SYNE2: variants seen among roughly 807,000 people sequenced by gnomAD.
SYNE2 encodes spectrin repeat containing nuclear envelope protein 2.
A neutral mutation model predicts 856.3 loss-of-function variants in SYNE2; 431 were observed. The ratio of observed to expected loss-of-function variants is 0.50; its 90% confidence interval spans 0.47 to 0.55. SYNE2 has a LOEUF of 0.55. Among genes scored for constraint, SYNE2 ranks in the 20% least tolerant of loss-of-function variants. The pLI is 0.00. For synonymous variants in SYNE2, 2,923 were observed against 2,872.3 expected, an observed-to-expected ratio of 1.02 and a Z score of -0.56; for missense variants, 8,129 against 8,023.2, an observed-to-expected ratio of 1.01 and a Z score of -0.50.
Position 64,224,524 on chromosome 14 carries a change from T to A in SYNE2, c.20446T>A (p.Ser6816Thr). The change falls in exon 114 of 116, where the codon TCC becomes ACC. Residue 6816 changes from serine to threonine, a missense_variant. By Grantham distance (58) the Ser-to-Thr change is moderately conservative. Coordinates refer to ENST00000555002, the MANE Select transcript of SYNE2 (RefSeq NM_182914.3). ...VDSGDQPPAT[S>T]VPAPRAKFRA... ...CTCGGGGGACCAGCCTCCTGCAACATCCGTGCCAGCTCCCCGAGCAAAGGT... is the reference window on the plus strand; with the variant it reads ...CTCGGGGGACCAGCCTCCTGCAACAACCGTGCCAGCTCCCCGAGCAAAGGT... The A allele has an allele frequency of 1.2e-6, 2 of 1,614,038 alleles. No individual in the cohort carries two copies.
intron 1 of SYNE2, among the ~76,000 whole-genome samples, chr14:63,788,671 C>A (rs1237008993): frequency 6.6e-6 from 1 of 152,236 alleles, no homozygotes; most frequent in East Asian, 1.9e-4. Flanking sequence ...CCTGTCCCGG[C>A]GTCCCGCTGC....
chr14:64,164,874 T>TTTTG lies in SYNE2; in HGVS notation c.16480-390_16480-387dup, dbSNP rs1555520749. ...TTACTTTTTTTTATTTTTTGTTTTT[T>TTTTG]TTTGTTTGTTTGTTTGTTTGTTTGA... On this transcript the variant is annotated intron_variant, in intron 89 of 115. Coordinates refer to ENST00000555002, the MANE Select transcript of SYNE2 (RefSeq NM_182914.3). 2.5e-4 allele frequency among the ~76,000 whole-genome samples: 37 copies of TTTTG among 150,986 alleles called. 1 individual carries two copies. The highest frequency in any genetic ancestry group is 3.4e-3 in the Middle Eastern group (1 of 294).
At chr14:64,169,528 C>G (rs1405395664) in intron 93 of SYNE2, among the ~76,000 whole-genome samples, 1 of 152,150 alleles carries the variant, frequency 6.6e-6, no homozygotes, top group Non-Finnish European at 1.5e-5. Context: ...TGGCAGATAG[C>G]CTGGAAATGG....
intron 73 of SYNE2, among the ~76,000 whole-genome samples, 172 bp from the exon 74 acceptor site, chr14:64,128,280 C>G (rs1371694666): frequency 1.3e-5 from 2 of 152,084 alleles, no homozygotes; most frequent in Non-Finnish European, 2.9e-5. Context: ...GGAAGAAGGT[C>G]AGCCATGAAT....
At chr14:63,912,219 A>G (rs1428920703) in intron 2 of SYNE2, among the ~76,000 whole-genome samples, 1 of 152,220 alleles carries the variant, frequency 6.6e-6, no homozygotes, top group Non-Finnish European at 1.5e-5. Context: ...TGAATTTGTA[A>G]TGATTCTTTC....
At chr14:64,053,968 C>CA (rs966871058) in intron 48 of SYNE2, among the ~76,000 whole-genome samples, 3 of 151,908 alleles carry the variant, frequency 2.0e-5, no homozygotes, top group Admixed American at 6.6e-5. Flanking sequence ...GACTCTGTCT[C>CA]AAAAAAATAA....
chr14:64,196,832 T>A (rs1195227263), intron 99 of SYNE2: 1 of 152,252 alleles, frequency 6.6e-6, no homozygotes. Context: ...GATATTTGTT[T>A]ACTGGAAGGA....
Position 64,218,517 on chromosome 14 carries a change from T to C in SYNE2, c.19657+5T>C, listed in dbSNP as rs1284164645. ...GTATCACAGAGCAGCAGTCAGGTACTGCCTGTAACTGGCAGTCGTCCAGAG... is the reference window on the plus strand; with the variant it reads ...GTATCACAGAGCAGCAGTCAGGTACCGCCTGTAACTGGCAGTCGTCCAGAG... On this transcript the variant is annotated splice_donor_5th_base_variant and intron_variant, in intron 109 of 115. Transcript: ENST00000555002. 1.9e-6 allele frequency: 3 copies of C among 1,613,384 alleles called. No homozygotes were observed. In the South Asian group the frequency reaches 3.3e-5, roughly 18 times the overall value.
At chr14:64,119,809 G>A (rs925704417) in intron 67 of SYNE2, among the ~76,000 whole-genome samples, 200 bp downstream of exon 67, 2 of 152,170 alleles carry the variant, frequency 1.3e-5, no homozygotes, top group African/African-American at 2.4e-5. Flanking sequence ...TCCTGTCTAG[G>A]TTGTTGTTGG....
chr14:63,991,417 G>C lies in SYNE2; in HGVS notation c.2646+302G>C, dbSNP rs2096665441. On this transcript the variant is annotated intron_variant, in intron 21 of 115. Coordinates refer to ENST00000555002, the MANE Select transcript of SYNE2 (RefSeq NM_182914.3). ...CTCTGGCTTTTTAATTTGTAAAATT[G>C]GCATAATAATTCCAGCCCTATCCAG... Among the ~76,000 whole-genome samples, 3 of 152,122 alleles carry C rather than the reference G, an allele frequency of 2.0e-5. No homozygotes were observed. The South Asian group carries it at 6.2e-4, about 31-fold the overall frequency.
At chr14:63,846,378 T>C (rs1436750396) in intron 1 of SYNE2, among the ~76,000 whole-genome samples, 1 of 152,104 alleles carries the variant, frequency 6.6e-6, no homozygotes, top group Non-Finnish European at 1.5e-5. Context: ...AGAAATCAAA[T>C]TCATTTTTGG....
intron 84 of SYNE2, among the ~76,000 whole-genome samples, chr14:64,147,626 T>A (rs2098198949): frequency 6.6e-6 from 1 of 152,154 alleles, no homozygotes; most frequent in Non-Finnish European, 1.5e-5. Context: ...CCAGACACAA[T>A]GCCACCATCT....
In SYNE2 at chr14:64,029,909, C is replaced by T. The variant is rs770479847; in HGVS notation, c.6729C>T (p.Asn2243=). 21 of 1,613,658 alleles carry T rather than the reference C, an allele frequency of 1.3e-5. No individual in the cohort carries two copies. The highest frequency in any genetic ancestry group is 1.8e-5 in the Non-Finnish European group (21 of 1,179,892). ...TTTATTTTTAGGATTCTGTGCAAAA[C>T]TTGGACGGTCACGTTCGAGAACATG... is the stretch of plus-strand genomic sequence containing the variant. ...LLQQLQDSVQ[N]LDGHVREHDS... is the part of the protein sequence containing the mutation. Residue 2243 remains asparagine (N), a synonymous_variant, in exon 44 of 116, where the codon AAC becomes AAT. Transcript: ENST00000555002.
At chr14:63,793,855 C>G (rs1340327151) in intron 1 of SYNE2, among the ~76,000 whole-genome samples, 1 of 151,566 alleles carries the variant, frequency 6.6e-6, no homozygotes, top group Non-Finnish European at 1.5e-5. Context: ...GGGAGGATCA[C>G]TTGAGCCCAG....
chr14:64,002,710 T>C lies in SYNE2; in HGVS notation c.3787-10T>C. 1 of 1,610,848 alleles carries C rather than the reference T, an allele frequency of 6.2e-7. No individual in the cohort carries two copies. Among genetic ancestry groups the C allele is most frequent in the South Asian group, 1.1e-5 (1 of 90,650 alleles). ...CCTCAGTGTTTTAGCTTTTCTTATC[T>C]TTATTTTAGAATATCCAAGATTCCA... On this transcript the variant is annotated splice_polypyrimidine_tract_variant and intron_variant, in intron 29 of 115. Coordinates refer to ENST00000555002, the MANE Select transcript of SYNE2 (RefSeq NM_182914.3).
chr14:63,997,441 CA>C, intron 25 of SYNE2, 50 bp downstream of exon 25: 1 of 1,376,194 alleles, frequency 7.3e-7, no homozygotes, highest in South Asian at 1.2e-5. Context: ...AGTAAAAGAC[CA>C]AGTGTACAAT....
At chr14:63,942,945 A>T (rs2095946448) in intron 6 of SYNE2, among the ~76,000 whole-genome samples, 1 of 152,132 alleles carries the variant, frequency 6.6e-6, no homozygotes, top group Non-Finnish European at 1.5e-5. Context: ...GCTATTTTTC[A>T]ATTGAAAGTT....
intron 2 of SYNE2, among the ~76,000 whole-genome samples, chr14:63,917,862 T>A (rs933854449): frequency 6.6e-6 from 1 of 152,154 alleles, no homozygotes; most frequent in African/African-American, 2.4e-5. Context: ...TTTCAAATTT[T>A]TTTTTTTTTT....
At chr14:64,122,739 C>G (rs1035752182) in intron 70 of SYNE2, among the ~76,000 whole-genome samples, 1 of 152,172 alleles carries the variant, frequency 6.6e-6, no homozygotes. Context: ...GAGTGCCAAG[C>G]ACCGTACCTA....
Sources: allele counts gnomAD v4.1 joint callset (sites outside exome capture counted in the v4.1 genomes callset), GRCh38; gene constraint gnomAD v4.1.1; transcripts MANE v1.5; gene names NCBI Gene and HGNC (gene_info 2026-07-23, HGNC 2026-07-21).